Variants in SLC2A3 observed in about 807,000 individuals in gnomAD.
SLC2A3 encodes the protein solute carrier family 2 member 3.
A neutral mutation model predicts 46.4 loss-of-function variants in SLC2A3; 21 were observed. The ratio of observed to expected loss-of-function variants is 0.45; its 90% CI spans 0.32 to 0.65. The LOEUF (loss-of-function observed/expected upper bound fraction) is 0.65. Ranked by LOEUF, SLC2A3 falls within the 30% of genes least tolerant of loss-of-function variation. The pLI is 0.04. For missense variants in SLC2A3, 499 were observed against 623.3 expected, an observed-to-expected ratio of 0.80 and a Z score of 2.12; for synonymous variants, 213 against 239.4, an observed-to-expected ratio of 0.89 and a Z score of 1.02.
chr12:7,933,554 A>G (rs971703597), intron 2 of SLC2A3: 1 of 500,550 alleles, frequency 2.0e-6, no homozygotes, highest in African/African-American at 1.9e-5. Flanking sequence ...TATTGTCTCC[A>G]TCTTCAGTCT....
At chr12:7,933,311 A>T (rs777910999) in intron 2 of SLC2A3, 164 bp from the exon 3 acceptor site, 28 of 835,918 alleles carry the variant, frequency 3.3e-5, no homozygotes, top group Non-Finnish European at 4.9e-5. Flanking sequence ...TCGCTGGAAT[A>T]GTAATTCTAT....
At position 7,933,900 on chromosome 12, in the gene SLC2A3, G is replaced by T; in HGVS notation, c.18C>A (p.Val6=). The part of the protein sequence containing the change: MGTQK[V]TPALIFAITV... Reference sequence around the variant, plus strand: ...TGATGGCAAATATCAGAGCTGGGGTGACCTGGAGGGAGGGAAGACAGAGGA... The same window carrying T: ...TGATGGCAAATATCAGAGCTGGGGTTACCTGGAGGGAGGGAAGACAGAGGA... The change falls in exon 2 of 10, where the codon GTC becomes GTA. Residue 6 remains valine, a splice_region_variant and synonymous_variant. Transcript: ENST00000075120. 1 of 1,613,606 alleles carries T rather than the reference G, an allele frequency of 6.2e-7. No individual in the cohort carries two copies. The highest frequency in any genetic ancestry group is 8.5e-7 in the Non-Finnish European group (1 of 1,179,648).
chr12:7,933,839 T>C lies in SLC2A3; in HGVS notation c.79A>G (p.Asn27Asp), dbSNP rs1400078760. 3.1e-6 allele frequency: 5 copies of C among 1,614,084 alleles called. No homozygotes were observed. Among genetic ancestry groups the C allele is most frequent in the Non-Finnish European group, 4.2e-6 (5 of 1,179,968 alleles). ...TCAGGAGCATTGATGACCCCAGTGT[T>C]GTAGCCAAATTGGAAAGAGCCGATT... is the stretch of plus-strand genomic sequence containing the variant. ...ATIGSFQFGYNTGVINAPEKI... is the reference protein window; with the variant it reads ...ATIGSFQFGYDTGVINAPEKI... Residue 27 changes from asparagine (N) to aspartate (D), a missense_variant, in exon 2 of 10, where the codon AAC becomes GAC. Transcript: ENST00000075120.
Position 7,925,837 on chromosome 12 carries a change from A to T in SLC2A3, c.966+7T>A. On this transcript the variant is annotated splice_region_variant and intron_variant, in intron 7 of 9. Transcript: ENST00000075120. Reference sequence around the variant, plus strand: ...TCCCCTCAAAATTACCAAACCATCCAACTTACAGAAACTACAGTGAAGATA... The same window carrying T: ...TCCCCTCAAAATTACCAAACCATCCTACTTACAGAAACTACAGTGAAGATA... The T allele has an allele frequency of 6.2e-7, 1 of 1,607,060 alleles. No homozygotes were observed. Among genetic ancestry groups the T allele is most frequent in the Non-Finnish European group, 8.5e-7 (1 of 1,173,926 alleles).
rs1396668769 is a variant in SLC2A3 at position 7,921,563 on chromosome 12, G to T, written c.1341C>A (p.Phe447Leu). 1 of 1,613,946 alleles carries T rather than the reference G, an allele frequency of 6.2e-7. No homozygotes were observed. Among genetic ancestry groups the T allele is most frequent in the Admixed American group, 1.7e-5 (1 of 60,012 alleles). ...GFLITFLAFT[F>L]FKVPETRGRT... ...TGCCACGGGTCTCAGGGACTTTGAAGAAGGTAAAAGCCAAGAAGGTAATGA... is the reference window on the plus strand; with the variant it reads ...TGCCACGGGTCTCAGGGACTTTGAATAAGGTAAAAGCCAAGAAGGTAATGA... The change falls in exon 10 of 10, where the codon TTC becomes TTA. Residue 447 changes from phenylalanine to leucine, a missense_variant. Phe to Leu is a conservative substitution (Grantham distance 22). Transcript: ENST00000075120.
rs753352755 is a variant in SLC2A3, at chr12:7,933,813, C to T, written c.105G>A (p.Glu35=). 1.2e-6 allele frequency: 2 copies of T among 1,613,310 alleles called. No individual in the cohort carries two copies. The highest frequency in any genetic ancestry group is 2.2e-5 in the South Asian group (2 of 91,042). Residue 35 remains glutamate (E), a synonymous_variant, in exon 2 of 10, where the codon GAG becomes GAA. Coordinates refer to ENST00000075120, the MANE Select transcript of SLC2A3 (RefSeq NM_006931.3). ...GYNTGVINAP[E]KIIKEFINKT... ...ATTATTGTGGCCTGGCACTCACCTT[C>T]TCAGGAGCATTGATGACCCCAGTGT...
chr12:7,933,339 G>T (rs1946178354), intron 2 of SLC2A3, 192 bp from the exon 3 acceptor site: 1 of 739,886 alleles, frequency 1.4e-6, no homozygotes, highest in Non-Finnish European at 2.1e-6. Flanking sequence ...GAAAATCCCA[G>T]TAGGTGGCAG....
intron 1 of SLC2A3, 34 bp downstream of exon 1, chr12:7,935,986 A>T (rs1487075599): frequency 1.3e-6 from 2 of 1,560,896 alleles, no homozygotes; most frequent in South Asian, 2.2e-5. Flanking sequence ...TATCCCAAAC[A>T]AGCAAAAATA....
At chr12:7,932,191 A>G (rs1402812466) in intron 3 of SLC2A3, among the ~76,000 whole-genome samples, 1 of 145,672 alleles carries the variant, frequency 6.9e-6, no homozygotes, top group Admixed American at 6.8e-5. Context: ...TTTTTTTTTG[A>G]GACGGGGTTT....
rs762761979 is a variant in SLC2A3, at chr12:7,931,333, T to C, written c.422A>G (p.Tyr141Cys). The C allele has an allele frequency of 6.2e-7, 1 of 1,614,146 alleles. No homozygotes were observed. Among genetic ancestry groups the C allele is most frequent in the Non-Finnish European group, 8.5e-7 (1 of 1,180,014 alleles). The change falls in exon 4 of 10, where the codon TAC becomes TGC. Residue 141 changes from tyrosine to cysteine, a missense_variant. Physicochemically the swap from Tyr to Cys is radical, Grantham distance 194. Around this residue, in one of 5 missense-constraint regions of SLC2A3, gnomAD observed 248 missense variants for 284.0 expected, o/e 0.87. Coordinates refer to ENST00000075120, the MANE Select transcript of SLC2A3 (RefSeq NM_006931.3). ...CGLCTGFVPM[Y>C]IGEISPTALR... is the part of the protein sequence containing the mutation. Reference sequence around the variant, plus strand: ...GGCAGTAGGCGAGATCTCTCCAATGTACATGGGCACAAAACCTGTGCAGAG... The same window carrying C: ...GGCAGTAGGCGAGATCTCTCCAATGCACATGGGCACAAAACCTGTGCAGAG...
intron 6 of SLC2A3, chr12:7,929,468 T>C: frequency 1.5e-6 from 1 of 647,084 alleles, no homozygotes; most frequent in Non-Finnish European, 2.4e-6. Flanking sequence ...TTTTTTTTCC[T>C]TTTTTTAAAT....
chr12:7,929,446 C>T lies in SLC2A3; in HGVS notation c.861+238G>A, dbSNP rs1946129432. 8 of 583,082 alleles carry T rather than the reference C, an allele frequency of 1.4e-5. 1 individual carries two copies. Among genetic ancestry groups the T allele is most frequent in the Middle Eastern group, 1.0e-3 (2 of 1,996 alleles). The allele number at this position is 583,082 out of a possible 1,614,324, so 36.1% of individuals were successfully genotyped here. A position where few individuals can be genotyped will look rare whatever the true frequency, so the allele number is the denominator to read the frequency against. ...TCACTCTGAAGTTGCCAGTGTCCTT[C>T]CAGGGTCTTTTTTTTTTTTCCTTTT... On this transcript the variant is annotated intron_variant, in intron 6 of 9. Coordinates refer to ENST00000075120, the MANE Select transcript of SLC2A3 (RefSeq NM_006931.3).
In SLC2A3 at chr12:7,929,748, T is replaced by C. The variant is rs1946132738; in HGVS notation, c.797A>G (p.Tyr266Cys). The change falls in exon 6 of 10, where the codon TAC becomes TGC. Residue 266 changes from tyrosine to cysteine, a missense_variant. Physicochemically the swap from Tyr to Cys is radical, Grantham distance 194 (BLOSUM62 -2). Around this residue, in one of 5 missense-constraint regions of SLC2A3, gnomAD observed 65 missense variants for 88.4 expected, o/e 0.74. Coordinates refer to ENST00000075120, the MANE Select transcript of SLC2A3 (RefSeq NM_006931.3). Reference protein sequence around the residue: ...TVLELFRVSSYRQPIIISIVL... With the variant: ...TVLELFRVSSCRQPIIISIVL... ...AATGGAAATGATGATGGGCTGTCGG[T>C]AGCTGGACACTCTAAAGAGCTCTAG... 6.2e-7 allele frequency: 1 copy of C among 1,613,562 alleles called. No individual in the cohort carries two copies. The highest frequency in any genetic ancestry group is 1.3e-5 in the African/African-American group (1 of 75,030).
intron 1 of SLC2A3, among the ~76,000 whole-genome samples, chr12:7,934,689 C>T (rs1017523432): frequency 2.6e-5 from 4 of 151,972 alleles, no homozygotes; most frequent in Non-Finnish European, 5.9e-5. Context: ...CGCCATTCCC[C>T]CCCACCCCAC....
intron 5 of SLC2A3, chr12:7,930,233 C>T (rs749571337): frequency 9.6e-5 from 49 of 510,112 alleles, no homozygotes; most frequent in Middle Eastern, 5.5e-4. Flanking sequence ...TGACCCGCCT[C>T]GGCCTCTTAT....
chr12:7,935,831 G>A (rs1946207277), intron 1 of SLC2A3, among the ~76,000 whole-genome samples, 189 bp downstream of exon 1: 3 of 152,150 alleles, frequency 2.0e-5, no homozygotes, highest in Admixed American at 2.0e-4. Context: ...ATGATAAGGT[G>A]AACAGAACTG....
intron 4 of SLC2A3, among the ~76,000 whole-genome samples, 182 bp from the exon 5 acceptor site, chr12:7,930,824 T>A (rs1946145148): frequency 7.6e-6 from 1 of 132,186 alleles, no homozygotes; most frequent in Non-Finnish European, 1.6e-5. Context: ...TGAGACGGAG[T>A]CTTGCTCTGT....
In SLC2A3 at chr12:7,921,558, T is replaced by C. The variant is rs1946037096; in HGVS notation, c.1346A>G (p.Lys449Arg). ...AGTCCTGCCACGGGTCTCAGGGACT[T>C]TGAAGAAGGTAAAAGCCAAGAAGGT... is the stretch of plus-strand genomic sequence containing the variant. ...LITFLAFTFF[K>R]VPETRGRTFE... is the part of the protein sequence containing the mutation. The change falls in exon 10 of 10, where the codon AAA becomes AGA. Residue 449 changes from lysine to arginine, a missense_variant. By Grantham distance (26) the Lys-to-Arg change is conservative. Transcript: ENST00000075120. 1.2e-6 allele frequency: 2 copies of C among 1,613,898 alleles called. No homozygotes were observed. The highest frequency in any genetic ancestry group is 1.7e-6 in the Non-Finnish European group (2 of 1,179,852).
chr12:7,931,622 C>G (rs754580523), intron 3 of SLC2A3, 137 bp from the exon 4 acceptor site: 59 of 1,323,182 alleles, frequency 4.5e-5, no homozygotes, highest in African/African-American at 1.2e-4. Flanking sequence ...TTTTCACTTT[C>G]TATTATCAGA....
Sources: allele counts gnomAD v4.1 joint callset (sites outside exome capture counted in the v4.1 genomes callset), GRCh38; gene constraint gnomAD v4.1.1; regional missense constraint gnomAD v4.1.1; transcripts MANE v1.5; gene names NCBI Gene and HGNC (gene_info 2026-07-23, HGNC 2026-07-21).